Variants in ACADSB observed in about 807,000 individuals in gnomAD.
ACADSB encodes the protein short/branched chain specific acyl-CoA dehydrogenase, mitochondrial.
ACADSB carries 40 observed loss-of-function variants against 54.1 expected under a neutral mutation model. The observed-to-expected ratio is 0.74, with a 90% confidence interval of 0.57 to 0.96. The LOEUF is 0.96. ACADSB is among the 40% of genes least tolerant of loss of function. The pLI is 0.00. For missense variants in ACADSB, 530 were observed against 510.4 expected (o/e 1.04, Z -0.37); for synonymous variants, 182 against 182.8 (o/e 1.00, Z 0.03).
chr10:123,012,895 G>A (rs1006019663), intron 1 of ACADSB, among the ~76,000 whole-genome samples: 1 of 152,176 alleles, frequency 6.6e-6, no homozygotes, highest in Non-Finnish European at 1.5e-5. Context: ...ACAGCTGATT[G>A]GATTGGTCTG....
At chr10:123,016,407 T>G (rs917689115) in intron 1 of ACADSB, among the ~76,000 whole-genome samples, 4 of 121,704 alleles carry the variant, frequency 3.3e-5, no homozygotes, top group African/African-American at 1.3e-4. Context: ...TTGAACACAG[T>G]TAGAACACTC....
Position 123,037,781 on chromosome 10 carries a change from G to A in ACADSB, c.237G>A (p.Leu79=), listed in dbSNP as rs556919638. ...KKFAQEQIAP[L]VSTMDENSKM... ...TTGCTCAGGAACAAATTGCACCTTT[G>A]GTTTCAACCATGGATGAAAATTCGA... Residue 79 remains leucine (L), a synonymous_variant, in exon 3 of 11, where the codon TTG becomes TTA. Transcript: ENST00000358776. The A allele has an allele frequency of 1.2e-6, 2 of 1,612,270 alleles. No homozygotes were observed. Among genetic ancestry groups the A allele is most frequent in the South Asian group, 2.2e-5 (2 of 91,032 alleles).
Position 123,009,052 on chromosome 10 carries a change from T to A in ACADSB, c.23T>A (p.Leu8Ter). The A allele has an allele frequency of 6.5e-7, 1 of 1,547,372 alleles. No individual in the cohort carries two copies. The highest frequency in any genetic ancestry group is 8.7e-7 in the Non-Finnish European group (1 of 1,146,304). ...AGGATGGAGGGCCTGGCAGTGCGGT[T>A]GCTGCGCGGCAGCAGGCTGGTGAGT... MEGLAVRLLRGSRLLRRN... is the reference protein window; with the variant it reads MEGLAVR Residue 8 changes from leucine (L) to a stop codon, truncating the protein, a stop_gained, in exon 1 of 11, where the codon TTG becomes TAG. Coordinates refer to ENST00000358776, the MANE Select transcript of ACADSB (RefSeq NM_001609.4). LOFTEE classifies it high-confidence loss of function.
chr10:123,013,997 G>T (rs1462017862), intron 1 of ACADSB, among the ~76,000 whole-genome samples: 1 of 152,254 alleles, frequency 6.6e-6, no homozygotes, highest in Non-Finnish European at 1.5e-5. Flanking sequence ...GCCAGAATGG[G>T]CGCCGAGGCC....
chr10:123,035,824 A>G (rs1350210436), intron 2 of ACADSB, among the ~76,000 whole-genome samples: 2 of 151,346 alleles, frequency 1.3e-5, no homozygotes, highest in Non-Finnish European at 2.9e-5. Context: ...AAAACCAGTA[A>G]CTCTCCCTCC....
intron 1 of ACADSB, among the ~76,000 whole-genome samples, chr10:123,033,078 T>A (rs1850350234): frequency 6.6e-6 from 1 of 152,200 alleles, no homozygotes; most frequent in African/African-American, 2.4e-5. Flanking sequence ...GAAAATACCT[T>A]ATGTCCCCTT....
At chr10:123,047,786 G>A (rs1850579277) in intron 8 of ACADSB, among the ~76,000 whole-genome samples, 1 of 152,246 alleles carries the variant, frequency 6.6e-6, no homozygotes, top group African/African-American at 2.4e-5. Flanking sequence ...GGTAACACTT[G>A]TTATGGGTCC....
chr10:123,047,062 G>A lies in ACADSB; in HGVS notation c.901-147G>A, dbSNP rs1419791405. The A allele has an allele frequency of 1.7e-5, 12 of 691,584 alleles. No homozygotes were observed. In the East Asian group the frequency reaches 3.1e-4, roughly 18 times the overall value. The allele number at this position is 691,584 out of a possible 1,614,324, so 42.8% of individuals were successfully genotyped here. On this transcript the variant is annotated intron_variant, in intron 7 of 10. Coordinates refer to ENST00000358776, the MANE Select transcript of ACADSB (RefSeq NM_001609.4). ...CTACAAATGCGGTGGGTGAGGATGT[G>A]TTATTAACACACACCTCACCACCTC... is the stretch of plus-strand genomic sequence containing the variant.
chr10:123,024,473 G>A (rs1850223277), intron 1 of ACADSB, among the ~76,000 whole-genome samples: 1 of 152,196 alleles, frequency 6.6e-6, no homozygotes, highest in African/African-American at 2.4e-5. Context: ...TGCCCACCAA[G>A]GATCCTGAGT....
chr10:123,043,776 C>G (rs543260435), intron 6 of ACADSB, among the ~76,000 whole-genome samples: 1 of 152,302 alleles, frequency 6.6e-6, no homozygotes, highest in Non-Finnish European at 1.5e-5. Context: ...TTCTTACTTT[C>G]CCATTTCTTT....
At chr10:123,040,990 T>C (rs1850465266) in intron 4 of ACADSB, among the ~76,000 whole-genome samples, 2 of 152,234 alleles carry the variant, frequency 1.3e-5, no homozygotes, top group South Asian at 4.1e-4. Context: ...TCAATTTCAA[T>C]GAGTATGTGT....
At chr10:123,013,065 C>A (rs996760629) in intron 1 of ACADSB, among the ~76,000 whole-genome samples, 4 of 152,136 alleles carry the variant, frequency 2.6e-5, no homozygotes, top group African/African-American at 7.2e-5. Context: ...AAACCTTGAG[C>A]TTGATACAGA....
At chr10:123,013,983 C>T (rs1017109208) in intron 1 of ACADSB, among the ~76,000 whole-genome samples, 3 of 152,234 alleles carry the variant, frequency 2.0e-5, no homozygotes, top group Admixed American at 6.5e-5. Context: ...GCTCCTCAAG[C>T]GTGGCCAGAA....
At chr10:123,021,177 CAT>C (rs1435615588) in intron 1 of ACADSB, among the ~76,000 whole-genome samples, 3 of 152,198 alleles carry the variant, frequency 2.0e-5, no homozygotes, top group East Asian at 1.9e-4. Flanking sequence ...TTCACCCCTG[CAT>C]TAGTCCACCA....
At chr10:123,039,035 C>CACTCCT (rs1850437641) in intron 3 of ACADSB, among the ~76,000 whole-genome samples, 1 of 152,208 alleles carries the variant, frequency 6.6e-6, no homozygotes, top group Admixed American at 6.5e-5. Context: ...CTCCACAAAC[C>CACTCCT]ACTCCTGTGC....
chr10:123,041,519 C>T (rs1259864998), intron 5 of ACADSB, 140 bp downstream of exon 5: 3 of 864,944 alleles, frequency 3.5e-6, no homozygotes, highest in South Asian at 3.2e-5. Flanking sequence ...CAGACTTGAG[C>T]TGGCATTTTT....
intron 1 of ACADSB, among the ~76,000 whole-genome samples, chr10:123,010,668 G>A (rs1028351601): frequency 6.6e-6 from 1 of 152,062 alleles, no homozygotes; most frequent in Non-Finnish European, 1.5e-5. Context: ...AATTAAATGA[G>A]CTCATATGTT....
intron 1 of ACADSB, among the ~76,000 whole-genome samples, chr10:123,024,689 T>C (rs1850226195): frequency 6.6e-6 from 1 of 152,126 alleles, no homozygotes. Context: ...AAAGCAAAGA[T>C]GTATTGAAAA....
intron 2 of ACADSB, among the ~76,000 whole-genome samples, chr10:123,036,731 G>A (rs1024365076): frequency 5.3e-5 from 8 of 152,204 alleles, no homozygotes; most frequent in South Asian, 2.1e-4. Context: ...TTTGCTAGGC[G>A]TGGCAGAAGT....
Sources: gnomAD v4.1 joint callset for allele counts (sites outside exome capture counted in the v4.1 genomes callset) on GRCh38, gnomAD v4.1.1 for gene constraint, MANE v1.5 for transcripts, NCBI Gene and HGNC (gene_info 2026-07-23, HGNC 2026-07-21) for gene names.